Variants in CACNA1G observed in about 807,000 individuals in gnomAD.
CACNA1G encodes voltage-dependent T-type calcium channel subunit alpha-1G.
A neutral mutation model predicts 219.4 loss-of-function variants in CACNA1G; 67 were observed. The ratio of observed to expected loss-of-function variants is 0.31; its 90% CI spans 0.25 to 0.37. The LOEUF is 0.37. Among genes scored for constraint, CACNA1G ranks in the 10% least tolerant of loss-of-function variants. The pLI is 1.00. For synonymous variants in CACNA1G, 1,296 were observed against 1,345.3 expected (o/e 0.96, Z 0.80); for missense variants, 2,380 against 3,231.4 (o/e 0.74, Z 6.39).
chr17:50,595,049 C>T lies in CACNA1G; in HGVS notation c.2967C>T (p.Val989=), dbSNP rs1344010952. ...SGQLSCIQLP[V]DSQGGDANKS... ...AGTTAAGCTGTATTCAGCTGCCTGT[C>T]GACTCCCAGGGGGTAGGTACGCGAT... The change falls in exon 14 of 38, where the codon GTC becomes GTT. Residue 989 remains valine, a synonymous_variant. Transcript: ENST00000359106. 2 of 1,553,470 alleles carry T rather than the reference C, an allele frequency of 1.3e-6. No homozygotes were observed. The highest frequency in any genetic ancestry group is 8.7e-7 in the Non-Finnish European group (1 of 1,148,052).
intron 9 of CACNA1G, among the ~76,000 whole-genome samples, chr17:50,586,863 T>C (rs12941010): frequency 0.45 from 68,804 of 152,058 alleles, 16,586 homozygotes; most frequent in East Asian, 0.89. Flanking sequence ...TTAACGCTGC[T>C]GCAAGGTGAC....
chr17:50,585,788 G>C (rs1285412315), intron 9 of CACNA1G, among the ~76,000 whole-genome samples: 1 of 152,170 alleles, frequency 6.6e-6, no homozygotes, highest in Admixed American at 6.5e-5. Context: ...TTGAAGACTT[G>C]CCTCCCACTG....
In CACNA1G at chr17:50,569,736, C is replaced by T. The variant is rs765688404; in HGVS notation, c.519C>T (p.Asn173=). 7.1e-6 allele frequency: 11 copies of T among 1,550,836 alleles called. No homozygotes were observed. In the East Asian group the frequency reaches 7.3e-5, roughly 10 times the overall value. Residue 173 remains asparagine (N), a synonymous_variant, in exon 4 of 38, where the codon AAC becomes AAT. Coordinates refer to ENST00000359106, the MANE Select transcript of CACNA1G (RefSeq NM_018896.5). ...TGGAGTACTCGCTGGACCTGCAGAACGTCAGCTTCTCAGCTGTCAGGACAG... is the reference window on the plus strand; with the variant it reads ...TGGAGTACTCGCTGGACCTGCAGAATGTCAGCTTCTCAGCTGTCAGGACAG... ...GMLEYSLDLQ[N]VSFSAVRTVR...
Position 50,578,453 on chromosome 17 carries a change from G to T in CACNA1G, c.2190G>T (p.Arg730Ser). 6.3e-7 allele frequency: 1 copy of T among 1,599,928 alleles called. No individual in the cohort carries two copies. The highest frequency in any genetic ancestry group is 8.5e-7 in the Non-Finnish European group (1 of 1,171,572). ...AEPSSVLAFW[R>S]LICDTFRKIV... is the part of the protein sequence containing the mutation. ...CCAGCTCTGTGCTGGCCTTCTGGAG[G>T]CTAATCTGTGACACCTTCCGAAAGA... Residue 730 changes from arginine to serine, a missense_variant, in exon 9 of 38, where the codon AGG (arginine) becomes AGT (serine). Arg to Ser is a moderately radical substitution (Grantham distance 110). This residue lies in a region of CACNA1G where 434 missense variants were observed against 417.3 expected (regional missense o/e 1.04). Coordinates refer to ENST00000359106, the MANE Select transcript of CACNA1G (RefSeq NM_018896.5). This position sits in a 1 kb window ranked among gnomAD's most constrained non-coding sequence, Gnocchi z 4.5.
At position 50,626,100 on chromosome 17, in the gene CACNA1G, G is replaced by A. The variant is rs201580306; in HGVS notation, c.6483G>A (p.Pro2161=). The A allele has an allele frequency of 2.3e-4, 375 of 1,613,416 alleles. No homozygotes were observed. Among genetic ancestry groups the A allele is most frequent in the East Asian group, 6.7e-5 (3 of 44,848 alleles). The change falls in exon 38 of 38, where the codon CCG becomes CCA. Residue 2161 remains proline, a synonymous_variant. Transcript: ENST00000359106. The surrounding 1 kb of genome is among the most constrained non-coding windows in gnomAD (Gnocchi z 4.3). ...TGGCAGAGGTGAGTGGGCCCTCCCC[G>A]CCCCTGGCCCGGGCCTACTCTTTCT... ...DLLAEVSGPS[P]PLARAYSFWG...
intron 9 of CACNA1G, among the ~76,000 whole-genome samples, chr17:50,580,434 G>C (rs531669445): frequency 1.3e-5 from 2 of 152,098 alleles, no homozygotes; most frequent in Non-Finnish European, 2.9e-5. Context: ...TCCCTACCCC[G>C]GGGGGAGCAC....
At position 50,564,125 on chromosome 17, in the gene CACNA1G, A is replaced by AGTGTGTGTGTGTGTGTGT. The variant is rs67152102; in HGVS notation, c.242+2445_242+2462dup. Reference sequence around the variant, plus strand: ...AGAGGAGATCTAGACCCAGGTAGGAAGTGTGTGTGTGTGTGTGTGTGTGTG... The same window carrying AGTGTGTGTGTGTGTGTGT: ...AGAGGAGATCTAGACCCAGGTAGGAAGTGTGTGTGTGTGTGTGTGTGTGTGTGTGTGTGTGTGTGTGTG... On this transcript the variant is annotated intron_variant, in intron 1 of 37. Coordinates refer to ENST00000359106, the MANE Select transcript of CACNA1G (RefSeq NM_018896.5). 6.9e-3 allele frequency among the ~76,000 whole-genome samples: 955 copies of AGTGTGTGTGTGTGTGTGT among 138,684 alleles called. 15 individuals carry two copies. The highest frequency in any genetic ancestry group is 0.017 in the African/African-American group (596 of 34,292). 91.0% of individuals were successfully genotyped at this position (138,684 alleles called of 152,430 possible). A position where few individuals can be genotyped will look rare whatever the true frequency, so the allele number is the denominator to read the frequency against.
intron 35 of CACNA1G, among the ~76,000 whole-genome samples, chr17:50,623,189 C>T (rs534152724): frequency 5.3e-5 from 8 of 150,032 alleles, no homozygotes; most frequent in Non-Finnish European, 7.4e-5. Flanking sequence ...TTGACCCCCC[C>T]GGCTCAAGCA....
chr17:50,626,182 A>G lies in CACNA1G; in HGVS notation c.6565A>G (p.Lys2189Glu). ...QHSRSHSKIS[K>E]HMTPPAPCPG... ...CTCCCGCAGCCACAGCAAGATCTCCAAGCACATGACCCCGCCAGCCCCTTG... is the reference window on the plus strand; with the variant it reads ...CTCCCGCAGCCACAGCAAGATCTCCGAGCACATGACCCCGCCAGCCCCTTG... The change falls in exon 38 of 38, where the codon AAG becomes GAG. Residue 2189 changes from lysine to glutamate, a missense_variant. Physicochemically the swap from Lys to Glu is moderately conservative, Grantham distance 56. This residue lies in a region of CACNA1G where 672 missense variants were observed against 670.5 expected (regional missense o/e 1.00). Transcript: ENST00000359106. The surrounding 1 kb of genome is among the most constrained non-coding windows in gnomAD (Gnocchi z 4.3). 6.2e-7 allele frequency: 1 copy of G among 1,613,842 alleles called. No homozygotes were observed. Among genetic ancestry groups the G allele is most frequent in the African/African-American group, 1.3e-5 (1 of 75,030 alleles).
At chr17:50,566,458 G>C (rs752490377) in intron 1 of CACNA1G, among the ~76,000 whole-genome samples, 23 of 152,304 alleles carry the variant, frequency 1.5e-4, no homozygotes, top group Middle Eastern at 3.4e-3. Context: ...ATTGCCAAGG[G>C]ACCCTTAAGA....
intron 1 of CACNA1G, among the ~76,000 whole-genome samples, chr17:50,564,205 G>C (rs974975894): frequency 2.7e-5 from 4 of 150,204 alleles, no homozygotes; most frequent in Non-Finnish European, 5.9e-5. Context: ...GCAAGCTTTG[G>C]TGTGGAGAGC....
At position 50,569,317 on chromosome 17, in the gene CACNA1G, G is replaced by T; in HGVS notation, c.488+19G>T. On this transcript the variant is annotated intron_variant, in intron 3 of 37. Transcript: ENST00000359106. ...TCGCAGGGTGAGGACCTGGGCTGGG[G>T]TGGGAGAGCAATGGATCAGATCGGT... The T allele has an allele frequency of 5.6e-6, 9 of 1,613,086 alleles. No individual in the cohort carries two copies. Among genetic ancestry groups the T allele is most frequent in the Non-Finnish European group, 7.6e-6 (9 of 1,179,720 alleles).
rs763305837 is a variant in CACNA1G at position 50,576,080 on chromosome 17, G to A, written c.1678G>A (p.Asp560Asn). Residue 560 changes from aspartate (D) to asparagine (N), a missense_variant, in exon 8 of 38, where the codon GAC becomes AAC. Around this residue, in one of 17 missense-constraint regions of CACNA1G, gnomAD observed 434 missense variants for 417.3 expected, o/e 1.04. Coordinates refer to ENST00000359106, the MANE Select transcript of CACNA1G (RefSeq NM_018896.5). ...AESVHSFYHA[D>N]CHLEPVRCQA... ...GTCTGTGCACAGCTTCTACCATGCC[G>A]ACTGCCACTTAGAGCCAGTCCGCTG... 6 of 1,589,156 alleles carry A rather than the reference G, an allele frequency of 3.8e-6. No individual in the cohort carries two copies. Among genetic ancestry groups the A allele is most frequent in the African/African-American group, 1.3e-5 (1 of 74,308 alleles).
chr17:50,596,538 T>C lies in CACNA1G; in HGVS notation c.2980-24T>C, dbSNP rs745935386. ...CACCCAAGCCTGGCCGGATCCCTAA[T>C]GGTCCGCTGCTCCCCTGCCCTAGGG... is the stretch of plus-strand genomic sequence containing the variant. On this transcript the variant is annotated intron_variant, in intron 14 of 37. Transcript: ENST00000359106. The surrounding 1 kb of genome is among the most constrained non-coding windows in gnomAD (Gnocchi z 4.8). 2.5e-6 allele frequency: 4 copies of C among 1,606,970 alleles called. No homozygotes were observed.
intron 26 of CACNA1G, among the ~76,000 whole-genome samples, chr17:50,615,112 T>C (rs2050189070): frequency 6.6e-6 from 1 of 151,888 alleles, no homozygotes; most frequent in South Asian, 2.1e-4. Context: ...GCGTCTAATG[T>C]AGGTGGGGGG....
In CACNA1G at chr17:50,607,002, TG is replaced by T; in HGVS notation, c.4512+16del. ...CGTGGACCAGCAGGTAGGGCTGAGG[TG>T]GGCAGGATCCATCTGTGGGCTCAGG... On this transcript the variant is annotated intron_variant, in intron 24 of 37. Transcript: ENST00000359106. 1.2e-6 allele frequency: 2 copies of T among 1,603,238 alleles called. No individual in the cohort carries two copies. Among genetic ancestry groups the T allele is most frequent in the Non-Finnish European group, 1.7e-6 (2 of 1,170,198 alleles).
At chr17:50,587,171 G>A (rs1340576658) in intron 9 of CACNA1G, among the ~76,000 whole-genome samples, 1 of 152,158 alleles carries the variant, frequency 6.6e-6, no homozygotes, top group Non-Finnish European at 1.5e-5. Flanking sequence ...GGGCGATGTT[G>A]TGGAAAAGGT....
rs1400710143 is a variant in CACNA1G at position 50,569,687 on chromosome 17, T to A, written c.489-19T>A. ...TGGCCTCAGACTCAAAGGGCCTCCC[T>A]TTGGGCCCCTCCCTGCAGGATGCTG... On this transcript the variant is annotated intron_variant, in intron 3 of 37. Coordinates refer to ENST00000359106, the MANE Select transcript of CACNA1G (RefSeq NM_018896.5). 1 of 1,540,000 alleles carries A rather than the reference T, an allele frequency of 6.5e-7. No homozygotes were observed. Among genetic ancestry groups the A allele is most frequent in the Non-Finnish European group, 8.8e-7 (1 of 1,138,812 alleles).
At chr17:50,601,700 C>T (rs2046676599) in intron 19 of CACNA1G, among the ~76,000 whole-genome samples, 1 of 152,148 alleles carries the variant, frequency 6.6e-6, no homozygotes, top group Non-Finnish European at 1.5e-5. Flanking sequence ...GGACATACCG[C>T]CCCAGGGTCG....
Sources: gnomAD v4.1 joint callset for allele counts (sites outside exome capture counted in the v4.1 genomes callset) on GRCh38, gnomAD v4.1.1 for gene constraint, gnomAD v4.1.1 regional missense constraint, Gnocchi (gnomAD v3.1) non-coding constraint, MANE v1.5 for transcripts, NCBI Gene and HGNC (gene_info 2026-07-23, HGNC 2026-07-21) for gene names.